HEMK2: variants seen among roughly 807,000 people sequenced by gnomAD.
HEMK2 encodes the protein HemK methyltransferase 2, ETF1 glutamine and histone H4 lysine, also known as methyltransferase HEMK2.
At chr21:28,616,660 T>C in the HEMK2 span, among the ~76,000 whole-genome samples, 30 of 152,224 alleles carry the variant, frequency 2.0e-4, no homozygotes, top group Non-Finnish European at 4.1e-4. Context: ...AGTTGGATAC[T>C]GTGTTCTTGT....
At chr21:28,744,448 T>G in the HEMK2 span, among the ~76,000 whole-genome samples, 2 of 152,198 alleles carry the variant, frequency 1.3e-5, no homozygotes, top group Non-Finnish European at 2.9e-5. Flanking sequence ...CACTTTCATC[T>G]GCAGTGTCTG....
the HEMK2 span, among the ~76,000 whole-genome samples, chr21:28,734,565 T>C: frequency 3.9e-5 from 6 of 152,314 alleles, no homozygotes; most frequent in East Asian, 1.2e-3. Context: ...ATGAATTGTT[T>C]TTACATGAAG....
the HEMK2 span, among the ~76,000 whole-genome samples, chr21:28,731,800 CAT>C: frequency 8.0e-6 from 1 of 125,190 alleles, no homozygotes; most frequent in Non-Finnish European, 1.6e-5. Context: ...CCCTTCATGA[CAT>C]AGGGCTAGAG....
chr21:28,610,012 G>A, the HEMK2 span, among the ~76,000 whole-genome samples: 1 of 152,184 alleles, frequency 6.6e-6, no homozygotes, highest in Non-Finnish European at 1.5e-5. Context: ...AACTTCCCCA[G>A]CCTTACTGGC....
chr21:28,733,956 C>T, the HEMK2 span, among the ~76,000 whole-genome samples: 1 of 152,270 alleles, frequency 6.6e-6, no homozygotes, highest in Non-Finnish European at 1.5e-5. Context: ...CCACAGATGT[C>T]TGTTCTATCA....
chr21:28,712,945 G>A, the HEMK2 span, among the ~76,000 whole-genome samples: 3 of 152,040 alleles, frequency 2.0e-5, no homozygotes, highest in Non-Finnish European at 2.9e-5. Context: ...ACATACATAC[G>A]AATATGATGC....
the HEMK2 span, among the ~76,000 whole-genome samples, chr21:28,707,756 A>C: frequency 6.6e-6 from 1 of 152,194 alleles, no homozygotes; most frequent in African/African-American, 2.4e-5. Flanking sequence ...AGTCAAATGT[A>C]TTCATTAATG....
chr21:28,595,658 G>A, the HEMK2 span, among the ~76,000 whole-genome samples: 2 of 152,092 alleles, frequency 1.3e-5, no homozygotes, highest in Non-Finnish European at 2.9e-5. Context: ...ATATCTCTTC[G>A]ATATGTTGAT....
chr21:28,629,369 G>A, the HEMK2 span, among the ~76,000 whole-genome samples: 9 of 152,292 alleles, frequency 5.9e-5, no homozygotes, highest in Middle Eastern at 3.4e-3. Context: ...TAGGTTTAGC[G>A]TGGTCACGCA....
chr21:28,604,699 AT>A, the HEMK2 span, among the ~76,000 whole-genome samples: 1 of 152,200 alleles, frequency 6.6e-6, no homozygotes, highest in Non-Finnish European at 1.5e-5. Context: ...GATAAAGAAT[AT>A]TTTCAGGGTG....
the HEMK2 span, among the ~76,000 whole-genome samples, chr21:28,828,584 C>A: frequency 6.6e-6 from 1 of 152,208 alleles, no homozygotes. Flanking sequence ...GCAGGTCAAA[C>A]AGACCAAAGG....
At chr21:28,617,142 T>C in the HEMK2 span, among the ~76,000 whole-genome samples, 6 of 152,298 alleles carry the variant, frequency 3.9e-5, no homozygotes, top group South Asian at 1.2e-3. Context: ...TAATTTGAAT[T>C]GGGTGGTCTG....
At chr21:28,653,178 T>C in the HEMK2 span, among the ~76,000 whole-genome samples, 1 of 149,566 alleles carries the variant, frequency 6.7e-6, no homozygotes, top group African/African-American at 2.6e-5. Context: ...CACTGGCTCA[T>C]CCTTAAAAAT....
chr21:28,624,748 A>C, the HEMK2 span, among the ~76,000 whole-genome samples: 25 of 152,184 alleles, frequency 1.6e-4, no homozygotes, highest in African/African-American at 5.5e-4. Flanking sequence ...TAGGAACACT[A>C]ATCAGGAACC....
the HEMK2 span, among the ~76,000 whole-genome samples, chr21:28,714,589 G>A: frequency 6.6e-6 from 1 of 152,194 alleles, no homozygotes; most frequent in Non-Finnish European, 1.5e-5. Flanking sequence ...GTTAATGAGT[G>A]TCTACTGTGA....
chr21:28,597,686 A>C, the HEMK2 span, among the ~76,000 whole-genome samples: 1 of 152,224 alleles, frequency 6.6e-6, no homozygotes, highest in African/African-American at 2.4e-5. Flanking sequence ...AAGGACACTT[A>C]TCAGAAAGAA....
chr21:28,668,428 G>A, the HEMK2 span, among the ~76,000 whole-genome samples: 807 of 152,206 alleles, frequency 5.3e-3, 18 homozygotes, highest in East Asian at 0.065. Flanking sequence ...TTATAACATC[G>A]CTCAAAGGCT....
the HEMK2 span, among the ~76,000 whole-genome samples, chr21:28,721,942 A>C: frequency 2.0e-4 from 29 of 147,750 alleles, no homozygotes; most frequent in African/African-American, 6.6e-4. Flanking sequence ...ACACACATAC[A>C]CCTATTTGAT....
At chr21:28,643,170 C>T in the HEMK2 span, among the ~76,000 whole-genome samples, 1 of 152,210 alleles carries the variant, frequency 6.6e-6, no homozygotes, top group Non-Finnish European at 1.5e-5. Context: ...GTGTCAGCAA[C>T]CACTTATTGC....
Sources: gnomAD v4.1 joint callset for allele counts (sites outside exome capture counted in the v4.1 genomes callset) on GRCh38, gnomAD v4.1.1 for gene constraint, MANE v1.5 for transcripts, NCBI Gene and HGNC (gene_info 2026-07-23, HGNC 2026-07-21) for gene names.